Variants in SYTL5 observed in about 807,000 individuals in gnomAD.
SYTL5 encodes the protein synaptotagmin-like protein 5.
SYTL5 carries 34 observed loss-of-function variants against 55.9 expected under a neutral mutation model. The ratio of observed to expected loss-of-function variants is 0.61; its 90% CI spans 0.46 to 0.81. The LOEUF (loss-of-function observed/expected upper bound fraction) is 0.81, where lower values mean the gene tolerates loss of function less well. SYTL5 is among the 30% of genes least tolerant of loss of function. The pLI, the probability that SYTL5 is intolerant of heterozygous loss-of-function variation, is 0.00. For synonymous variants in SYTL5, 221 were observed against 188.7 expected (o/e 1.17, Z -1.40); for missense variants, 637 against 546.7 (o/e 1.17, Z -1.65).
chrX:37,897,300 T>A, the SYTL5 span, among the ~76,000 whole-genome samples: 1 of 109,612 alleles, frequency 9.1e-6, no homozygotes. Context: ...CTGGCCAATA[T>A]GGCGAAACCC....
intron 2 of SYTL5, among the ~76,000 whole-genome samples, chrX:38,042,639 G>A (rs1935321123): frequency 9.0e-6 from 1 of 110,602 alleles, no homozygotes; most frequent in African/African-American, 3.3e-5. Flanking sequence ...TAGGCAGCAG[G>A]GGTTAGTTGG....
chrX:38,058,150 A>G (rs1400891925), intron 3 of SYTL5, among the ~76,000 whole-genome samples: 1 of 111,193 alleles, frequency 9.0e-6, no homozygotes, highest in Non-Finnish European at 1.9e-5. Context: ...TTAGAAACTG[A>G]TTTTTATATT....
At chrX:37,962,959 G>A in the SYTL5 span, among the ~76,000 whole-genome samples, 177 of 111,196 alleles carry the variant, frequency 1.6e-3, no homozygotes, top group Non-Finnish European at 2.9e-3. Context: ...GAAATTTTGG[G>A]GACACATTCA....
the SYTL5 span, among the ~76,000 whole-genome samples, chrX:37,916,286 T>C: frequency 8.9e-6 from 1 of 112,286 alleles, no homozygotes; most frequent in Admixed American, 9.5e-5. Context: ...TGAGCTGTAA[T>C]GAGCGGAGCC....
chrX:38,054,047 T>C (rs1468281109), intron 2 of SYTL5, among the ~76,000 whole-genome samples, 166 bp from the exon 3 acceptor site: 1 of 112,081 alleles, frequency 8.9e-6, no homozygotes, highest in Non-Finnish European at 1.9e-5. Flanking sequence ...CGACACCAAA[T>C]AGGCACCTTT....
chrX:37,910,127 C>T, the SYTL5 span, among the ~76,000 whole-genome samples: 1 of 111,708 alleles, frequency 9.0e-6, no homozygotes, highest in Non-Finnish European at 1.9e-5. Context: ...TTTGCTAGGG[C>T]TGCCATTCAA....
chrX:38,071,120 T>C (rs1936250907), intron 3 of SYTL5, among the ~76,000 whole-genome samples: 1 of 112,002 alleles, frequency 8.9e-6, no homozygotes, highest in Admixed American at 9.5e-5. Context: ...GTAGGTACTA[T>C]GGAAAACAAA....
the SYTL5 span, among the ~76,000 whole-genome samples, chrX:37,991,985 A>G: frequency 0.015 from 1,733 of 112,442 alleles, 17 homozygotes; most frequent in Non-Finnish European, 0.025. Context: ...CTGGCCTAAG[A>G]TGGGCAATTC....
intron 1 of SYTL5, among the ~76,000 whole-genome samples, chrX:38,017,417 C>T (rs1934391584): frequency 9.0e-6 from 1 of 111,115 alleles, no homozygotes; most frequent in Non-Finnish European, 1.9e-5. Context: ...TAACAGTTTA[C>T]TTGATTGTTT....
At chrX:37,929,579 G>A in the SYTL5 span, among the ~76,000 whole-genome samples, 7 of 112,070 alleles carry the variant, frequency 6.2e-5, no homozygotes, top group African/African-American at 2.3e-4. Context: ...AAGGTACCAT[G>A]CAGAGGAAAA....
intron 2 of SYTL5, among the ~76,000 whole-genome samples, chrX:38,043,347 T>C (rs2147248981): frequency 9.2e-6 from 1 of 108,793 alleles, no homozygotes; most frequent in African/African-American, 3.3e-5. Flanking sequence ...ATAGTCTCCA[T>C]TTGTGTTGAA....
the SYTL5 span, among the ~76,000 whole-genome samples, chrX:37,953,776 G>A: frequency 5.4e-5 from 6 of 111,687 alleles, no homozygotes; most frequent in Middle Eastern, 4.2e-3. Flanking sequence ...ATGCAGGAGA[G>A]CAGTGGGGGT....
chrX:38,007,628 A>T (rs1013097836), intron 1 of SYTL5, among the ~76,000 whole-genome samples: 2 of 111,331 alleles, frequency 1.8e-5, no homozygotes, highest in African/African-American at 6.5e-5. Flanking sequence ...TAAGTATATA[A>T]TTTTTTCATT....
At chrX:37,968,871 G>C in the SYTL5 span, among the ~76,000 whole-genome samples, 1 of 112,138 alleles carries the variant, frequency 8.9e-6, no homozygotes, top group African/African-American at 3.2e-5. Context: ...TGTTCTTAAA[G>C]TGGTTATTTT....
the SYTL5 span, among the ~76,000 whole-genome samples, chrX:37,978,484 T>C: frequency 8.9e-6 from 1 of 112,361 alleles, no homozygotes; most frequent in South Asian, 3.7e-4. Context: ...GATCAACTTA[T>C]GTGATCACAT....
chrX:37,972,891 TTAAAGA>T, the SYTL5 span, among the ~76,000 whole-genome samples: 40,767 of 110,306 alleles, frequency 0.37, 6,364 homozygotes, highest in East Asian at 0.56. Flanking sequence ...AATGTTCAGG[TTAAAGA>T]TAAAGTATTG....
chrX:37,934,496 T>G, the SYTL5 span, among the ~76,000 whole-genome samples: 15 of 107,407 alleles, frequency 1.4e-4, no homozygotes, highest in South Asian at 8.3e-4. Flanking sequence ...TGAGATAATC[T>G]AATCTGAGGA....
the SYTL5 span, among the ~76,000 whole-genome samples, chrX:37,947,307 C>T: frequency 9.0e-6 from 1 of 111,607 alleles, no homozygotes; most frequent in Non-Finnish European, 1.9e-5. Context: ...GTAATCCCCA[C>T]GTGTCGGAGG....
chrX:38,031,811 C>A (rs1340157664), intron 1 of SYTL5, among the ~76,000 whole-genome samples: 1 of 112,055 alleles, frequency 8.9e-6, no homozygotes, highest in South Asian at 3.8e-4. Flanking sequence ...TTTATCCTAA[C>A]CTTATTGTTT....
Sources: gnomAD v4.1 joint callset for allele counts (sites outside exome capture counted in the v4.1 genomes callset) on GRCh38, gnomAD v4.1.1 for gene constraint, MANE v1.5 for transcripts, NCBI Gene and HGNC (gene_info 2026-07-23, HGNC 2026-07-21) for gene names.